MECR: variants seen among roughly 807,000 people sequenced by gnomAD.
MECR encodes the protein mitochondrial trans-2-enoyl-CoA reductase.
Under a neutral mutation model 49.1 loss-of-function variants are expected in MECR, and 37 were observed. That is an observed-to-expected ratio of 0.75 (90% CI 0.58 to 0.99). The LOEUF (loss-of-function observed/expected upper bound fraction) is 0.99. MECR is among the 50% of genes least tolerant of loss of function. The pLI is 0.00. For missense variants in MECR, 470 were observed against 479.6 expected (o/e 0.98, Z 0.19); for synonymous variants, 198 against 191.1 (o/e 1.04, Z -0.30).
chr1:29,184,370 T>C, the MECR span, among the ~76,000 whole-genome samples: 5 of 151,862 alleles, frequency 3.3e-5, no homozygotes, highest in Non-Finnish European at 7.4e-5. Flanking sequence ...AGAGACTGGG[T>C]TTCACCATGT....
chr1:29,189,580 TTC>T (rs1673085000), downstream of MECR, among the ~76,000 whole-genome samples: 1 of 152,218 alleles, frequency 6.6e-6, no homozygotes, highest in Admixed American at 6.5e-5. Context: ...TTAAGTCCAA[TTC>T]TCTTTTGGCA....
intron 7 of MECR, among the ~76,000 whole-genome samples, chr1:29,196,768 C>T (rs1307875932): frequency 6.6e-6 from 1 of 151,940 alleles, no homozygotes; most frequent in Non-Finnish European, 1.5e-5. Context: ...CTTTGGGAGG[C>T]CAAGGTGAGA....
downstream of MECR, among the ~76,000 whole-genome samples, chr1:29,191,032 CTT>C (rs745613710): frequency 2.6e-5 from 4 of 152,296 alleles, no homozygotes; most frequent in Admixed American, 1.3e-4. Flanking sequence ...AATCTGCTCT[CTT>C]CGTCTGTAAT....
At chr1:29,200,012 T>C (rs1558425793) in intron 7 of MECR, among the ~76,000 whole-genome samples, 1 of 151,990 alleles carries the variant, frequency 6.6e-6, no homozygotes, top group African/African-American at 2.4e-5. Flanking sequence ...GCTTCCTCCT[T>C]GGCCTCCCAA....
downstream of MECR, among the ~76,000 whole-genome samples, chr1:29,187,918 T>C (rs544105741): frequency 6.9e-5 from 10 of 144,844 alleles, no homozygotes; most frequent in South Asian, 1.9e-3. Flanking sequence ...GCGCCTGTAG[T>C]CCCAGCTACT....
intron 1 of MECR, among the ~76,000 whole-genome samples, chr1:29,218,237 A>G (rs192598086): frequency 6.6e-6 from 1 of 152,308 alleles, no homozygotes; most frequent in Admixed American, 6.5e-5. Context: ...TTGTTATTTC[A>G]AAAAAGCTTT....
chr1:29,187,643 A>T, the MECR span, among the ~76,000 whole-genome samples: 1 of 151,366 alleles, frequency 6.6e-6, no homozygotes, highest in Non-Finnish European at 1.5e-5. Flanking sequence ...TCTGTCACCC[A>T]GGCTGGAGTG....
the MECR span, chr1:29,181,835 C>CGGCGGCGGCAACGGGCG: frequency 8.3e-7 from 1 of 1,210,604 alleles, no homozygotes; most frequent in Non-Finnish European, 1.1e-6. Context: ...GCGGCAGCGG[C>CGGCGGCGGCAACGGGCG]GGCGGCGGCA....
chr1:29,198,790 T>C (rs1331701214), intron 7 of MECR, among the ~76,000 whole-genome samples: 1 of 152,186 alleles, frequency 6.6e-6, no homozygotes, highest in Non-Finnish European at 1.5e-5. Flanking sequence ...CTAATTTTTG[T>C]ATTTTTAGTA....
chr1:29,198,659 C>T (rs191989899), intron 7 of MECR, among the ~76,000 whole-genome samples: 54 of 152,270 alleles, frequency 3.5e-4, no homozygotes, highest in African/African-American at 1.2e-3. Context: ...CTCTGAAGCC[C>T]AGGCTGGAGT....
In MECR at chr1:29,230,754, G is replaced by C; in HGVS notation, c.153C>G (p.His51Gln). 1 of 1,590,614 alleles carries C rather than the reference G, an allele frequency of 6.3e-7. No homozygotes were observed. The highest frequency in any genetic ancestry group is 8.6e-7 in the Non-Finnish European group (1 of 1,168,924). The change falls in exon 1 of 10, where the codon CAC becomes CAG. Residue 51 changes from histidine to glutamine, a missense_variant. Transcript: ENST00000263702. ...ACTCGACGACCTTGGCTGGATCCCC[G>C]TGGTGCCCATAGACAAGCGCCCGGA... The part of the protein sequence containing the change: ...ARVRALVYGH[H>Q]GDPAKVVELK...
chr1:29,189,349 G>A (rs1331381849), downstream of MECR, among the ~76,000 whole-genome samples: 1 of 151,796 alleles, frequency 6.6e-6, no homozygotes, highest in East Asian at 1.9e-4. Flanking sequence ...GGTTACAGGT[G>A]TGAGCCACCA....
intron 3 of MECR, among the ~76,000 whole-genome samples, chr1:29,214,696 C>T (rs542922868): frequency 6.6e-6 from 1 of 152,200 alleles, no homozygotes. Context: ...TGAGCTGGGT[C>T]GCTGTAAGTT....
Position 29,206,909 on chromosome 1 carries a change from A to C in MECR, c.407-4T>G. On this transcript the variant is annotated splice_polypyrimidine_tract_variant and splice_region_variant and intron_variant, in intron 3 of 9. Coordinates refer to ENST00000263702, the MANE Select transcript of MECR (RefSeq NM_016011.5). Reference sequence around the variant, plus strand: ...ACAGCCTCGGTCCGCCAGGTTCCTGAGTCAGAAGATGAAGCCAGGATCATA... The same window carrying C: ...ACAGCCTCGGTCCGCCAGGTTCCTGCGTCAGAAGATGAAGCCAGGATCATA... 6.2e-7 allele frequency: 1 copy of C among 1,614,014 alleles called. No individual in the cohort carries two copies. Among genetic ancestry groups the C allele is most frequent in the Non-Finnish European group, 8.5e-7 (1 of 1,179,962 alleles).
the MECR span, among the ~76,000 whole-genome samples, chr1:29,178,314 T>C: frequency 4.6e-5 from 7 of 151,516 alleles, no homozygotes; most frequent in African/African-American, 1.7e-4. Flanking sequence ...TTCAAAGACC[T>C]ATCTAAAGCA....
intron 1 of MECR, among the ~76,000 whole-genome samples, chr1:29,227,546 C>G (rs1682403547): frequency 6.6e-6 from 1 of 152,192 alleles, no homozygotes; most frequent in African/African-American, 2.4e-5. Context: ...GACGTGAGAA[C>G]AGGAGAAACC....
At chr1:29,209,228 T>C (rs1457282686) in intron 3 of MECR, among the ~76,000 whole-genome samples, 1 of 152,244 alleles carries the variant, frequency 6.6e-6, no homozygotes, top group Non-Finnish European at 1.5e-5. Context: ...CCTTACTATG[T>C]GTGATACTCT....
At chr1:29,188,502 C>A (rs897420907), downstream of MECR, among the ~76,000 whole-genome samples, 3 of 152,082 alleles carry the variant, frequency 2.0e-5, no homozygotes, top group African/African-American at 4.8e-5. Flanking sequence ...CTGCGCCTGG[C>A]CTCCATTTAC....
intron 1 of MECR, chr1:29,223,023 C>T: frequency 3.3e-6 from 3 of 916,500 alleles, no homozygotes; most frequent in Non-Finnish European, 3.9e-6. Flanking sequence ...AATTTCTTCC[C>T]TGTTCTTTAA....
Sources: gnomAD v4.1 joint callset for allele counts (sites outside exome capture counted in the v4.1 genomes callset) on GRCh38, gnomAD v4.1.1 for gene constraint, MANE v1.5 for transcripts, NCBI Gene and HGNC (gene_info 2026-07-23, HGNC 2026-07-21) for gene names.